The following CARMIL1 variants were observed in gnomAD, a reference collection of about 807,000 sequenced individuals.
CARMIL1 encodes the protein capping protein regulator and myosin 1 linker 1, also known as F-actin-uncapping protein LRRC16A.
Under a neutral mutation model 177.1 loss-of-function variants are expected in CARMIL1, and 90 were observed. That is an observed-to-expected ratio of 0.51 (90% confidence interval 0.43 to 0.61). The LOEUF is 0.61. Among genes scored for constraint, CARMIL1 ranks in the 20% least tolerant of loss-of-function variants. The probability of loss-of-function intolerance (pLI) is 0.00; values close to 1 mark genes in which losing one functional copy is unlikely to be tolerated. For synonymous variants in CARMIL1, 577 were observed against 606.2 expected (o/e 0.95, Z 0.71); for missense variants, 1,380 against 1,667.0 (o/e 0.83, Z 3.00).
At chr6:25,455,043 T>C (rs1799363947) in intron 8 of CARMIL1, among the ~76,000 whole-genome samples, 1 of 152,218 alleles carries the variant, frequency 6.6e-6, no homozygotes, top group African/African-American at 2.4e-5. Context: ...CATTCTCATA[T>C]GTATACATGA....
At chr6:25,508,936 A>T (rs1339503374) in intron 17 of CARMIL1, among the ~76,000 whole-genome samples, 3 of 152,226 alleles carry the variant, frequency 2.0e-5, no homozygotes, top group African/African-American at 7.2e-5. Context: ...ATAGAAAAAG[A>T]TGAAAAGTAC....
chr6:25,378,320 A>G (rs1382949362), intron 2 of CARMIL1, among the ~76,000 whole-genome samples: 1 of 152,204 alleles, frequency 6.6e-6, no homozygotes, highest in East Asian at 1.9e-4. Context: ...TAGCCTTTGC[A>G]TGGCCTTCAG....
intron 8 of CARMIL1, chr6:25,451,986 G>GGGGGGGGGGGGCCCCCCCCCC: frequency 8.9e-6 from 1 of 112,672 alleles, no homozygotes; most frequent in East Asian, 2.0e-4. Flanking sequence ...CTAGCATCTT[G>GGGGGGGGGGGGCCCCCCCCCC]CCCCCCCCTC....
intron 2 of CARMIL1, among the ~76,000 whole-genome samples, chr6:25,394,349 TTC>T (rs759724917): frequency 6.6e-6 from 1 of 152,204 alleles, no homozygotes; most frequent in Non-Finnish European, 1.5e-5. Context: ...TAAAATTAAT[TTC>T]TGTTTTACAG....
At chr6:25,615,355 T>C (rs1358120959) in intron 36 of CARMIL1, among the ~76,000 whole-genome samples, 1 of 152,252 alleles carries the variant, frequency 6.6e-6, no homozygotes, top group Non-Finnish European at 1.5e-5. Flanking sequence ...TTTGTGTGGC[T>C]ACTATATTGA....
intron 23 of CARMIL1, among the ~76,000 whole-genome samples, chr6:25,521,503 C>T (rs1806551752): frequency 6.6e-6 from 1 of 152,202 alleles, no homozygotes; most frequent in Non-Finnish European, 1.5e-5. Flanking sequence ...GGCGCGATGG[C>T]TCACGCCTGT....
intron 2 of CARMIL1, among the ~76,000 whole-genome samples, chr6:25,412,446 TG>T (rs550552387): frequency 3.0e-4 from 46 of 152,258 alleles, no homozygotes; most frequent in Middle Eastern, 3.4e-3. Context: ...CTGGGCATGG[TG>T]GCACATGCTT....
At chr6:25,327,491 A>C (rs1220788314) in intron 2 of CARMIL1, among the ~76,000 whole-genome samples, 2 of 152,350 alleles carry the variant, frequency 1.3e-5, no homozygotes, top group Non-Finnish European at 2.9e-5. Context: ...CCAGAGAAAC[A>C]CAGCCCCAAT....
At chr6:25,510,481 G>A in intron 18 of CARMIL1, 26 bp from the exon 19 acceptor site, 1 of 1,331,102 alleles carries the variant, frequency 7.5e-7, no homozygotes, top group Non-Finnish European at 1.0e-6. Flanking sequence ...GTGTTTTGAT[G>A]TTCTACTTAC....
At position 25,279,606 on chromosome 6, in the gene CARMIL1, CA is replaced by C; in HGVS notation, c.-188del. 1.6e-6 allele frequency: 1 copy of C among 606,072 alleles called. No individual in the cohort carries two copies. Among genetic ancestry groups the C allele is most frequent in the South Asian group, 2.0e-5 (1 of 50,674 alleles). The allele number at this position is 606,072 out of a possible 1,614,324, so 37.5% of individuals were successfully genotyped here. A position where few individuals can be genotyped will look rare whatever the true frequency, so the allele number is the denominator to read the frequency against. On this transcript the variant is annotated 5_prime_UTR_variant, in exon 1 of 37. Transcript: ENST00000329474. ...CAGCAGCAAATCCGCCTCGCATTTG[CA>C]ACTCTTTTTTTTTTTTTTGGTGGGG...
At chr6:25,521,895 G>A (rs1424376371) in intron 23 of CARMIL1, among the ~76,000 whole-genome samples, 2 of 152,144 alleles carry the variant, frequency 1.3e-5, no homozygotes, top group Admixed American at 1.3e-4. Flanking sequence ...AGAGCTGTAG[G>A]GATTTAGAAA....
At chr6:25,493,466 C>T (rs1377094408) in intron 15 of CARMIL1, among the ~76,000 whole-genome samples, 3 of 152,212 alleles carry the variant, frequency 2.0e-5, no homozygotes, top group Non-Finnish European at 4.4e-5. Flanking sequence ...TGACCGCTTT[C>T]CTCCAATGTC....
intron 29 of CARMIL1, among the ~76,000 whole-genome samples, chr6:25,574,197 A>C (rs970105809): frequency 7.9e-5 from 12 of 152,226 alleles, no homozygotes; most frequent in Non-Finnish European, 1.5e-4. Flanking sequence ...CAGAATAGTA[A>C]GTCCAGATAA....
At position 25,471,404 on chromosome 6, in the gene CARMIL1, A is replaced by G. The variant is rs541813082; in HGVS notation, c.779+147A>G. The stretch of plus-strand genomic sequence containing the variant: ...CCTTCTGGGAAAAAAATATCCCTAT[A>G]ATTGCCATCATCATGAAGGCTAAGA... On this transcript the variant is annotated intron_variant, in intron 10 of 36. Transcript: ENST00000329474. 1.6e-4 allele frequency: 89 copies of G among 561,758 alleles called. No individual in the cohort carries two copies. The East Asian group carries it at 2.6e-3, about 17-fold the overall frequency. 34.8% of individuals were successfully genotyped at this position (561,758 alleles called of 1,614,324 possible).
intron 8 of CARMIL1, among the ~76,000 whole-genome samples, chr6:25,459,266 C>CTTTCTTTCTTTCTTTCTTTTTTTTTTTT: frequency 1.4e-5 from 1 of 73,754 alleles, no homozygotes; most frequent in Non-Finnish European, 2.9e-5. Flanking sequence ...TTCTTTCTTT[C>CTTTCTTTCTTTCTTTCTTTTTTTTTTTT]TTTTTTTTTT....
At chr6:25,436,624 C>T (rs959478792) in intron 5 of CARMIL1, among the ~76,000 whole-genome samples, 1 of 152,210 alleles carries the variant, frequency 6.6e-6, no homozygotes, top group Non-Finnish European at 1.5e-5. Context: ...GCTCTTTGGC[C>T]TTAAGAGGCC....
chr6:25,481,603 A>G (rs1802127498), intron 11 of CARMIL1, among the ~76,000 whole-genome samples: 1 of 152,208 alleles, frequency 6.6e-6, no homozygotes, highest in Non-Finnish European at 1.5e-5. Context: ...CTCCCAGAAA[A>G]CAGTCTATGC....
At chr6:25,399,233 G>A (rs1793690126) in intron 2 of CARMIL1, among the ~76,000 whole-genome samples, 1 of 152,170 alleles carries the variant, frequency 6.6e-6, no homozygotes, top group Admixed American at 6.5e-5. Flanking sequence ...CAGATGGTAG[G>A]GGCTGCACGG....
chr6:25,576,218 T>A (rs1812571500), intron 29 of CARMIL1, among the ~76,000 whole-genome samples: 1 of 152,080 alleles, frequency 6.6e-6, no homozygotes, highest in African/African-American at 2.4e-5. Context: ...TTAAGAATTA[T>A]TTAGAGATTT....
Sources: allele counts gnomAD v4.1 joint callset (sites outside exome capture counted in the v4.1 genomes callset), GRCh38; gene constraint gnomAD v4.1.1; transcripts MANE v1.5; gene names NCBI Gene and HGNC (gene_info 2026-07-23, HGNC 2026-07-21).